The following SLC16A10 variants were observed in gnomAD, a reference collection of about 807,000 sequenced individuals.
The protein encoded by SLC16A10 is solute carrier family 16 member 10, also known as monocarboxylate transporter 10.
In SLC16A10, 27 loss-of-function variants were observed where a neutral mutation model predicts 40.0. That is an observed-to-expected ratio of 0.67 (90% CI 0.50 to 0.93). SLC16A10 has a LOEUF of 0.93. SLC16A10 is among the 40% of genes least tolerant of loss of function. The pLI is 0.00. For missense variants in SLC16A10, 529 were observed against 658.2 expected, an observed-to-expected ratio of 0.80 and a Z score of 2.15; for synonymous variants, 213 against 249.8, an observed-to-expected ratio of 0.85 and a Z score of 1.39.
chr6:111,202,468 ACT>A (rs758290908), intron 3 of SLC16A10, among the ~76,000 whole-genome samples: 1 of 151,782 alleles, frequency 6.6e-6, no homozygotes, highest in Non-Finnish European at 1.5e-5. Context: ...ACAGAGTGAA[ACT>A]CTGTCTCAAG....
At chr6:111,193,837 G>A (rs532180186) in intron 3 of SLC16A10, among the ~76,000 whole-genome samples, 244 of 152,300 alleles carry the variant, frequency 1.6e-3, no homozygotes, top group African/African-American at 5.6e-3. Context: ...AAAAACAGCA[G>A]TAGTGTATTT....
intron 1 of SLC16A10, among the ~76,000 whole-genome samples, chr6:111,160,817 A>C (rs1772357105): frequency 6.6e-6 from 1 of 152,096 alleles, no homozygotes; most frequent in Non-Finnish European, 1.5e-5. Context: ...GGGGCTTTTT[A>C]TGGACTCAGA....
intron 1 of SLC16A10, among the ~76,000 whole-genome samples, chr6:111,100,059 A>G (rs564588999): frequency 2.3e-4 from 35 of 151,746 alleles, no homozygotes; most frequent in Non-Finnish European, 3.5e-4. Flanking sequence ...TTTTCAGCAT[A>G]GACAAAGCAG....
chr6:111,100,987 T>C (rs1299360702), intron 1 of SLC16A10, among the ~76,000 whole-genome samples: 4 of 77,498 alleles, frequency 5.2e-5, no homozygotes, highest in Non-Finnish European at 1.1e-4. Context: ...TCTCTCTCTC[T>C]CTCTCTATAT....
chr6:111,087,908 G>GCCCCATGAGC lies in SLC16A10; in HGVS notation c.158_159insCCATGAGCCC (p.Ala54HisfsTer10). The GCCCCATGAGC allele has an allele frequency of 6.3e-7, 1 of 1,582,294 alleles. No individual in the cohort carries two copies. The highest frequency in any genetic ancestry group is 1.4e-5 in the African/African-American group (1 of 73,520). ...AGAAGGTGGAGGTGGAGCTGGCGGG[G>GCCCCATGAGC]CCGGCGACCGCGGAGCCCCATGAGC... On this transcript the variant is annotated frameshift_variant, in exon 1 of 6. Coordinates refer to ENST00000368851, the MANE Select transcript of SLC16A10 (RefSeq NM_018593.5). LOFTEE classifies it high-confidence loss of function.
intron 4 of SLC16A10, among the ~76,000 whole-genome samples, chr6:111,210,029 AG>A (rs1773320676): frequency 1.3e-5 from 2 of 152,216 alleles, no homozygotes; most frequent in South Asian, 2.1e-4. Flanking sequence ...CTTGAAAAAG[AG>A]GTGAAATTTG....
chr6:111,217,953 C>A (rs1279169549), intron 4 of SLC16A10, among the ~76,000 whole-genome samples: 2 of 152,170 alleles, frequency 1.3e-5, no homozygotes, highest in Non-Finnish European at 2.9e-5. Flanking sequence ...ACCTCTAGCA[C>A]ATAGCACAGT....
Position 111,087,831 on chromosome 6 carries a change from G to C in SLC16A10, c.79G>C (p.Ala27Pro). ...GCCGCTCGGCCCCGCGCCCACGGGG[G>C]CCGCTCCGCCGCCCGGCCCGGGACC... is the stretch of plus-strand genomic sequence containing the variant. The part of the protein sequence containing the change: ...AQPLGPAPTG[A>P]APPPGPGPSD... The change falls in exon 1 of 6, where the codon GCC becomes CCC. Residue 27 changes from alanine (A) to proline (P), a missense_variant. Coordinates refer to ENST00000368851, the MANE Select transcript of SLC16A10 (RefSeq NM_018593.5). 1.5e-6 allele frequency: 2 copies of C among 1,354,716 alleles called. No homozygotes were observed. The highest frequency in any genetic ancestry group is 1.9e-6 in the Non-Finnish European group (2 of 1,060,910). 83.9% of individuals were successfully genotyped at this position (1,354,716 alleles called of 1,614,324 possible).
intron 1 of SLC16A10, among the ~76,000 whole-genome samples, chr6:111,089,614 A>T (rs756205525): frequency 6.6e-6 from 1 of 152,226 alleles, no homozygotes; most frequent in Non-Finnish European, 1.5e-5. Context: ...GTAGTAACAT[A>T]TCCTTACCAT....
rs1771075109 is a variant in SLC16A10, at chr6:111,229,903, A to C, written c.*7668A>C. 2 of 149,698 alleles carry C rather than the reference A, an allele frequency of 1.3e-5. No homozygotes were observed. Among genetic ancestry groups the C allele is most frequent in the Admixed American group, 1.3e-4 (2 of 14,976 alleles). The allele number at this position is 149,698 out of a possible 1,614,324, so 9.3% of individuals were successfully genotyped here. ...GGCAGGCGGATTGCTTGAGGCCAGGAGTTCGAGACATACGGGTCTCTTTAA... is the reference window on the plus strand; with the variant it reads ...GGCAGGCGGATTGCTTGAGGCCAGGCGTTCGAGACATACGGGTCTCTTTAA... On this transcript the variant is annotated 3_prime_UTR_variant, in exon 6 of 6. Transcript: ENST00000368851.
chr6:111,142,868 A>G (rs577930765), intron 1 of SLC16A10, among the ~76,000 whole-genome samples: 1 of 152,354 alleles, frequency 6.6e-6, no homozygotes, highest in Admixed American at 6.5e-5. Flanking sequence ...AGTCCTTGAT[A>G]TTTACCCAAA....
chr6:111,170,211 C>T (rs997972242), intron 1 of SLC16A10, among the ~76,000 whole-genome samples: 8 of 151,984 alleles, frequency 5.3e-5, no homozygotes, highest in Non-Finnish European at 1.0e-4. Flanking sequence ...CCACCATGCC[C>T]GGCCAAGGTC....
chr6:111,219,494 C>T (rs1697659181), intron 5 of SLC16A10, among the ~76,000 whole-genome samples: 1 of 151,828 alleles, frequency 6.6e-6, no homozygotes, highest in African/African-American at 2.4e-5. Context: ...TACCACTGTA[C>T]CCCAGCCTAG....
Position 111,155,310 on chromosome 6 carries a change from G to A in SLC16A10, c.344-17385G>A, listed in dbSNP as rs566061595. On this transcript the variant is annotated intron_variant, in intron 1 of 5. Transcript: ENST00000368851. ...TTGACCTCCCAGCTCAGCCTTCTGA[G>A]TAGCTGGGACAACAGGTGCATGCCA... Among the ~76,000 whole-genome samples, 628 of 151,300 alleles carry A rather than the reference G, an allele frequency of 4.2e-3. 2 individuals carry two copies. The highest frequency in any genetic ancestry group is 0.014 in the African/African-American group (590 of 41,232).
intron 4 of SLC16A10, 51 bp downstream of exon 4, chr6:111,206,786 A>G (rs1161335709): frequency 1.9e-5 from 30 of 1,571,686 alleles, no homozygotes; most frequent in Admixed American, 5.8e-5. Flanking sequence ...TCATCACCCG[A>G]TGTCTCATTA....
Position 111,087,712 on chromosome 6 carries a change from C to G in SLC16A10, c.-41C>G. 9.0e-7 allele frequency: 1 copy of G among 1,111,764 alleles called. No individual in the cohort carries two copies. The highest frequency in any genetic ancestry group is 1.1e-6 in the Non-Finnish European group (1 of 886,846). The allele number at this position is 1,111,764 out of a possible 1,614,324, so 68.9% of individuals were successfully genotyped here. ...CCGGGAGCCCGCTGGTAACTCGCGT[C>G]CCTCGCGCTTCTCCGGCGCCTGAGG... On this transcript the variant is annotated 5_prime_UTR_variant, in exon 1 of 6. Transcript: ENST00000368851.
intron 1 of SLC16A10, among the ~76,000 whole-genome samples, chr6:111,130,203 T>G (rs1476757075): frequency 6.6e-6 from 1 of 152,238 alleles, no homozygotes; most frequent in Non-Finnish European, 1.5e-5. Context: ...ATGTTAGTAC[T>G]GTAGCATGTA....
chr6:111,144,361 G>T (rs1411809196), intron 1 of SLC16A10, among the ~76,000 whole-genome samples: 2 of 152,052 alleles, frequency 1.3e-5, no homozygotes, highest in African/African-American at 4.8e-5. Flanking sequence ...ACGCTGCTAT[G>T]CCCGGCTAAT....
At chr6:111,172,658 T>C in intron 1 of SLC16A10, 37 bp from the exon 2 acceptor site, 1 of 1,599,340 alleles carries the variant, frequency 6.3e-7, no homozygotes, top group South Asian at 1.1e-5. Context: ...TAACTTACCA[T>C]GTCATAATTC....
Sources: gnomAD v4.1 joint callset for allele counts (sites outside exome capture counted in the v4.1 genomes callset) on GRCh38, gnomAD v4.1.1 for gene constraint, MANE v1.5 for transcripts, NCBI Gene and HGNC (gene_info 2026-07-23, HGNC 2026-07-21) for gene names.